The following TBC1D16 variants were observed in gnomAD, a reference collection of about 807,000 sequenced individuals.
TBC1D16 encodes the protein CTD-2529O21.1.
A neutral mutation model predicts 74.7 loss-of-function variants in TBC1D16; 58 were observed. That is an observed-to-expected ratio of 0.78 (90% CI 0.63 to 0.97). TBC1D16 has a LOEUF of 0.97. Among genes scored for constraint, TBC1D16 ranks in the 50% least tolerant of loss-of-function variants. The pLI is 0.00. For synonymous variants in TBC1D16, 493 were observed against 474.7 expected, an observed-to-expected ratio of 1.04 and a Z score of -0.50; for missense variants, 1,014 against 1,079.5, an observed-to-expected ratio of 0.94 and a Z score of 0.85.
At chr17:79,968,842 C>CAAAAA (rs34365366) in intron 3 of TBC1D16, among the ~76,000 whole-genome samples, 18 of 55,386 alleles carry the variant, frequency 3.2e-4, no homozygotes, top group East Asian at 1.3e-3. Flanking sequence ...GATGCCGTCT[C>CAAAAA]AAAAAAAAAA....
chr17:79,974,116 G>A (rs2034232195), intron 3 of TBC1D16, among the ~76,000 whole-genome samples: 1 of 152,238 alleles, frequency 6.6e-6, no homozygotes, highest in Non-Finnish European at 1.5e-5. Flanking sequence ...TCCTAGGGCA[G>A]CCGATCTGAT....
intron 1 of TBC1D16, among the ~76,000 whole-genome samples, chr17:80,028,066 C>T (rs1023291039): frequency 3.3e-5 from 5 of 151,964 alleles, no homozygotes; most frequent in African/African-American, 1.2e-4. Flanking sequence ...CGAGACGCTC[C>T]TTTTATAATG....
At chr17:80,003,573 C>G (rs2035570738) in intron 3 of TBC1D16, among the ~76,000 whole-genome samples, 1 of 151,702 alleles carries the variant, frequency 6.6e-6, no homozygotes, top group Admixed American at 6.6e-5. Context: ...CCCCTTCTGT[C>G]TATTTTTATA....
At chr17:80,012,696 C>A (rs1046238569) in intron 2 of TBC1D16, among the ~76,000 whole-genome samples, 8 of 152,112 alleles carry the variant, frequency 5.3e-5, no homozygotes, top group Non-Finnish European at 1.2e-4. Flanking sequence ...TAGGTGTGAA[C>A]CACCTCGCCC....
Position 79,947,771 on chromosome 17 carries a change from C to T in TBC1D16, c.1602G>A (p.Ser534=), listed in dbSNP as rs778241015. 15 of 1,613,814 alleles carry T rather than the reference C, an allele frequency of 9.3e-6. No individual in the cohort carries two copies. Among genetic ancestry groups the T allele is most frequent in the African/African-American group, 8.0e-5 (6 of 74,948 alleles). ...CGGCCAAGATGGGCGCCACCAGGTC[C>T]GACATCCCTTGGGAATAGCCGACGG... ...NPAVGYSQGM[S]DLVAPILAEV... The change falls in exon 9 of 12, where the codon TCG becomes TCA. Residue 534 remains serine, a synonymous_variant. Transcript: ENST00000310924.
intron 1 of TBC1D16, among the ~76,000 whole-genome samples, chr17:80,018,576 C>A (rs1465170567): frequency 1.3e-5 from 2 of 149,070 alleles, no homozygotes; most frequent in Admixed American, 1.3e-4. Flanking sequence ...GCCACCGTGC[C>A]CAGCCTGAAA....
intron 1 of TBC1D16, among the ~76,000 whole-genome samples, chr17:80,014,665 T>C (rs1254348484): frequency 1.3e-5 from 2 of 152,078 alleles, no homozygotes; most frequent in Non-Finnish European, 1.5e-5. Context: ...CTGGCACCAC[T>C]GAGAAGGCCC....
chr17:80,012,408 AC>A (rs2035929297), intron 2 of TBC1D16, among the ~76,000 whole-genome samples: 1 of 152,186 alleles, frequency 6.6e-6, no homozygotes, highest in Admixed American at 6.5e-5. Context: ...GCCGCAGCCA[AC>A]CAGCCGGTGG....
At position 79,941,110 on chromosome 17, in the gene TBC1D16, G is replaced by A. The variant is rs1230146649; in HGVS notation, c.2056-3C>T. On this transcript the variant is annotated splice_region_variant and splice_polypyrimidine_tract_variant and intron_variant, in intron 11 of 11. Transcript: ENST00000310924. This position sits in a 1 kb window ranked among gnomAD's most constrained non-coding sequence, Gnocchi z 4.3. ...AACTGGTACAGCAAACTCCTCGCCTGCAGACAGAGGACGGGGGGTGAGGAG... is the reference window on the plus strand; with the variant it reads ...AACTGGTACAGCAAACTCCTCGCCTACAGACAGAGGACGGGGGGTGAGGAG... 8 of 1,564,998 alleles carry A rather than the reference G, an allele frequency of 5.1e-6. No individual in the cohort carries two copies. In the South Asian group the frequency reaches 5.8e-5, roughly 11 times the overall value.
Position 79,942,290 on chromosome 17 carries a change from G to A in TBC1D16, c.1909-84C>T, listed in dbSNP as rs923795081. On this transcript the variant is annotated intron_variant, in intron 10 of 11. Coordinates refer to ENST00000310924, the MANE Select transcript of TBC1D16 (RefSeq NM_019020.4). ...AGGGGGAAACTGAGTGCCAGGGTGC[G>A]AGTGAGGGCTCCAGGGCGAGGGGTC... 54 of 1,422,652 alleles carry A rather than the reference G, an allele frequency of 3.8e-5. No individual in the cohort carries two copies. The East Asian group carries it at 6.5e-4, about 17-fold the overall frequency. 88.1% of individuals were successfully genotyped at this position (1,422,652 alleles called of 1,614,324 possible).
Position 80,019,924 on chromosome 17 carries a change from T to G in TBC1D16, c.-62-6315A>C, listed in dbSNP as rs539585261. On this transcript the variant is annotated intron_variant, in intron 1 of 11. Transcript: ENST00000310924. The stretch of plus-strand genomic sequence containing the variant: ...TGAAGTACATCCCCTAAAATTCCTG[T>G]GTTGAAGTCTTAAACCCCAGTACCC... Among the ~76,000 whole-genome samples, 20 of 150,126 alleles carry G rather than the reference T, an allele frequency of 1.3e-4. 2 individuals carry two copies. In the South Asian group the frequency reaches 4.0e-3, roughly 30 times the overall value.
intron 3 of TBC1D16, among the ~76,000 whole-genome samples, chr17:79,960,935 C>T (rs999348835): frequency 2.0e-5 from 3 of 151,978 alleles, no homozygotes; most frequent in African/African-American, 7.3e-5. Flanking sequence ...CTTATAAAGT[C>T]ACACACACCC....
intron 3 of TBC1D16, among the ~76,000 whole-genome samples, chr17:79,974,554 G>T (rs1039109177): frequency 6.6e-6 from 1 of 152,140 alleles, no homozygotes; most frequent in Non-Finnish European, 1.5e-5. Flanking sequence ...AATACTTTTG[G>T]ATTATGGTTG....
chr17:79,935,659 A>C lies in TBC1D16; in HGVS notation c.*5200T>G, dbSNP rs1201832379. 1 of 152,304 alleles carries C rather than the reference A, an allele frequency of 6.6e-6. No individual in the cohort carries two copies. Among genetic ancestry groups the C allele is most frequent in the African/African-American group, 2.4e-5 (1 of 41,466 alleles). 9.4% of individuals were successfully genotyped at this position (152,304 alleles called of 1,614,324 possible). On this transcript the variant is annotated 3_prime_UTR_variant, in exon 12 of 12. Coordinates refer to ENST00000310924, the MANE Select transcript of TBC1D16 (RefSeq NM_019020.4). ...GTCAGTACAGTTTTATTTGCTGTGG[A>C]ATCCATGAGAGCCGGAAGCATCGTT...
chr17:79,978,289 C>T (rs1251616590), intron 3 of TBC1D16, among the ~76,000 whole-genome samples: 1 of 152,246 alleles, frequency 6.6e-6, no homozygotes, highest in Non-Finnish European at 1.5e-5. Context: ...GCAGGGTCTC[C>T]GCTCCGGCGA....
rs1222968901 is a variant in TBC1D16, at chr17:79,941,840, G to A, written c.2055+220C>T. On this transcript the variant is annotated intron_variant, in intron 11 of 11. Coordinates refer to ENST00000310924, the MANE Select transcript of TBC1D16 (RefSeq NM_019020.4). The surrounding 1 kb of genome is among the most constrained non-coding windows in gnomAD (Gnocchi z 4.3). ...CAGGGCTGGCACCCCAGGAAAGTGA[G>A]GTGACACAGCCAGGCCGAGACAGGT... 1.3e-5 allele frequency among the ~76,000 whole-genome samples: 2 copies of A among 151,748 alleles called. No individual in the cohort carries two copies. The highest frequency in any genetic ancestry group is 2.9e-5 in the Non-Finnish European group (2 of 68,010).
rs748501067 is a variant in TBC1D16 at position 79,990,190 on chromosome 17, G to A, written c.779+19970C>T. ...AGATTTGACTTTCAGCTGCTCGGAC[G>A]GAGGCTTCAACTCAGCCTGAACTAG... On this transcript the variant is annotated intron_variant, in intron 3 of 11. Coordinates refer to ENST00000310924, the MANE Select transcript of TBC1D16 (RefSeq NM_019020.4). This position sits in a 1 kb window ranked among gnomAD's most constrained non-coding sequence, Gnocchi z 4.8. Among the ~76,000 whole-genome samples the A allele has an allele frequency of 1.3e-5, 2 of 152,176 alleles. No homozygotes were observed. Among genetic ancestry groups the A allele is most frequent in the African/African-American group, 4.8e-5 (2 of 41,434 alleles).
Position 79,956,558 on chromosome 17 carries a change from G to T in TBC1D16, c.780-3740C>A, listed in dbSNP as rs2033347441. ...CGTGAGCCACCACGCTGGGCCCGGT[G>T]GTCGCTTTAAGTTGCTGAGTTTGAG... is the stretch of plus-strand genomic sequence containing the variant. On this transcript the variant is annotated intron_variant, in intron 3 of 11. Coordinates refer to ENST00000310924, the MANE Select transcript of TBC1D16 (RefSeq NM_019020.4). This position sits in a 1 kb window ranked among gnomAD's most constrained non-coding sequence, Gnocchi z 4.0. Among the ~76,000 whole-genome samples the T allele has an allele frequency of 6.6e-6, 1 of 152,160 alleles. No individual in the cohort carries two copies. Among genetic ancestry groups the T allele is most frequent in the African/African-American group, 2.4e-5 (1 of 41,426 alleles).
In TBC1D16 at chr17:79,947,888, C is replaced by T; in HGVS notation, c.1542-57G>A. ...GATGACCCTCACCGCGGCACACTGC[C>T]CAGCCTGCAGAACCCTGGGCCGTGG... On this transcript the variant is annotated intron_variant, in intron 8 of 11. Coordinates refer to ENST00000310924, the MANE Select transcript of TBC1D16 (RefSeq NM_019020.4). 4.0e-6 allele frequency: 6 copies of T among 1,481,930 alleles called. 1 individual carries two copies. The South Asian group carries it at 6.0e-5, about 15-fold the overall frequency. 91.8% of individuals were successfully genotyped at this position (1,481,930 alleles called of 1,614,324 possible).
Sources: gnomAD v4.1 joint callset for allele counts (sites outside exome capture counted in the v4.1 genomes callset) on GRCh38, gnomAD v4.1.1 for gene constraint, Gnocchi (gnomAD v3.1) non-coding constraint, MANE v1.5 for transcripts, NCBI Gene and HGNC (gene_info 2026-07-23, HGNC 2026-07-21) for gene names.